CCDC178: variants seen among roughly 807,000 people sequenced by gnomAD.
The protein encoded by CCDC178 is coiled-coil domain-containing protein 178.
Under a neutral mutation model 117.4 loss-of-function variants are expected in CCDC178, and 126 were observed. The ratio of observed to expected loss-of-function variants is 1.07; its 90% CI spans 0.93 to 1.24. The LOEUF (loss-of-function observed/expected upper bound fraction) is 1.24, where lower values mean the gene tolerates loss of function less well. CCDC178 is among the 50% of genes most tolerant of loss of function. The pLI is 0.00. For synonymous variants in CCDC178, 283 were observed against 313.4 expected, an observed-to-expected ratio of 0.90 and a Z score of 1.02; for missense variants, 1,030 against 986.9, an observed-to-expected ratio of 1.04 and a Z score of -0.59.
chr18:33,376,934 T>C (rs1373506258), intron 5 of CCDC178, among the ~76,000 whole-genome samples: 3 of 152,218 alleles, frequency 2.0e-5, no homozygotes, highest in Non-Finnish European at 4.4e-5. Flanking sequence ...GTCTTTTTGG[T>C]AGAATGATTT....
At chr18:33,355,906 G>A (rs149169182) in intron 7 of CCDC178, among the ~76,000 whole-genome samples, 1 of 152,276 alleles carries the variant, frequency 6.6e-6, no homozygotes, top group African/African-American at 2.4e-5. Flanking sequence ...CACCATAGGT[G>A]TACACTGCTC....
At chr18:32,970,596 C>A (rs1463716399) in intron 22 of CCDC178, among the ~76,000 whole-genome samples, 4 of 152,004 alleles carry the variant, frequency 2.6e-5, no homozygotes. Flanking sequence ...ATGTTGTATA[C>A]ATTGATACCT....
chr18:33,187,846 G>C (rs910938694), intron 20 of CCDC178, among the ~76,000 whole-genome samples: 1 of 152,060 alleles, frequency 6.6e-6, no homozygotes, highest in Non-Finnish European at 1.5e-5. Flanking sequence ...AACTTCCTTG[G>C]TATGTGAAAG....
At chr18:33,312,642 T>G (rs2062358832) in intron 11 of CCDC178, among the ~76,000 whole-genome samples, 1 of 152,192 alleles carries the variant, frequency 6.6e-6, no homozygotes, top group Non-Finnish European at 1.5e-5. Flanking sequence ...GCCTTTGATC[T>G]GTTGCAGCTG....
intron 6 of CCDC178, among the ~76,000 whole-genome samples, chr18:33,364,301 T>A (rs55883960): frequency 0.059 from 8,936 of 152,042 alleles, 838 homozygotes; most frequent in African/African-American, 0.2. Flanking sequence ...GAAAAAAAGA[T>A]AAATGGTTAC....
chr18:32,938,015 C>T lies in CCDC178; in HGVS notation c.2600G>A (p.Gly867Asp). The T allele has an allele frequency of 6.2e-7, 1 of 1,611,344 alleles. No homozygotes were observed. The highest frequency in any genetic ancestry group is 8.5e-7 in the Non-Finnish European group (1 of 1,177,596). ...CAAGATACATTGGTTGTTTGCTTAA[C>T]CATCGTTTTCGCATGTGCCATCTGT... is the stretch of plus-strand genomic sequence containing the variant. ...TLTDGTCEND[G>D] Residue 867 changes from glycine (G) to aspartate (D), a missense_variant, in exon 23 of 23, where the codon GGT becomes GAT. Physicochemically the swap from Gly to Asp is moderately conservative, Grantham distance 94. Coordinates refer to ENST00000383096, the MANE Select transcript of CCDC178 (RefSeq NM_001105528.4).
At chr18:33,372,810 A>G (rs1201538557) in intron 5 of CCDC178, among the ~76,000 whole-genome samples, 1 of 152,134 alleles carries the variant, frequency 6.6e-6, no homozygotes, top group African/African-American at 2.4e-5. Flanking sequence ...TAATTTATTC[A>G]CCCAGCTCCA....
chr18:33,025,882 C>T (rs566363550), intron 21 of CCDC178, among the ~76,000 whole-genome samples: 1 of 152,162 alleles, frequency 6.6e-6, no homozygotes, highest in Admixed American at 6.5e-5. Context: ...GCATTCGTCC[C>T]AGAGAAGTGA....
At chr18:33,152,247 A>T (rs1156966265) in intron 20 of CCDC178, among the ~76,000 whole-genome samples, 1 of 152,174 alleles carries the variant, frequency 6.6e-6, no homozygotes, top group Non-Finnish European at 1.5e-5. Flanking sequence ...GCAAATGCTC[A>T]CTATTCTATA....
rs767253614 is a variant in CCDC178, at chr18:33,245,374, C to T, written c.1464G>A (p.Lys488=). Residue 488 remains lysine (K), a synonymous_variant, in exon 15 of 23, where the codon AAG becomes AAA. Coordinates refer to ENST00000383096, the MANE Select transcript of CCDC178 (RefSeq NM_001105528.4). ...ESEIKYLTIM[K]LKNDKHLKNI... ...TCTTGAGATGTTTATCATTCTTTAA[C>T]TTCATTATTGTCAAATATTTTATTT... The T allele has an allele frequency of 1.3e-6, 2 of 1,595,466 alleles. No homozygotes were observed.
chr18:33,099,778 C>T (rs1315354513), intron 20 of CCDC178, among the ~76,000 whole-genome samples: 1 of 151,956 alleles, frequency 6.6e-6, no homozygotes, highest in Non-Finnish European at 1.5e-5. Flanking sequence ...TGTCGATACC[C>T]TGAAGCCTCA....
At chr18:33,254,941 G>T in intron 14 of CCDC178, among the ~76,000 whole-genome samples, 1 of 152,008 alleles carries the variant, frequency 6.6e-6, no homozygotes, top group Non-Finnish European at 1.5e-5. Flanking sequence ...TTACAGGGTG[G>T]GGTCTAGCAG....
chr18:33,323,791 C>T (rs1191441176), intron 10 of CCDC178, among the ~76,000 whole-genome samples, 158 bp from the exon 11 acceptor site: 1 of 151,806 alleles, frequency 6.6e-6, no homozygotes, highest in African/African-American at 2.4e-5. Flanking sequence ...TCAGCCCTGA[C>T]AGGCATTAAT....
chr18:33,023,861 A>G (rs955331587), intron 21 of CCDC178, among the ~76,000 whole-genome samples: 1 of 152,228 alleles, frequency 6.6e-6, no homozygotes, highest in East Asian at 1.9e-4. Flanking sequence ...CTGTCAAAGA[A>G]TAAAGAAGGG....
At chr18:33,157,039 T>C (rs1339460112) in intron 20 of CCDC178, among the ~76,000 whole-genome samples, 13 of 152,212 alleles carry the variant, frequency 8.5e-5, no homozygotes, top group Admixed American at 5.2e-4. Flanking sequence ...TTAAGTGGGT[T>C]CAATAAATCA....
At chr18:33,132,282 G>T (rs1429621951) in intron 20 of CCDC178, among the ~76,000 whole-genome samples, 3 of 151,720 alleles carry the variant, frequency 2.0e-5, no homozygotes, top group African/African-American at 7.2e-5. Flanking sequence ...TCTTTGAAAT[G>T]TTTGAGTTAC....
At chr18:33,251,516 C>T (rs2144713510) in intron 14 of CCDC178, among the ~76,000 whole-genome samples, 1 of 151,860 alleles carries the variant, frequency 6.6e-6, no homozygotes, top group East Asian at 1.9e-4. Flanking sequence ...TATTGTGCTG[C>T]TAATGAAGCT....
At chr18:33,074,804 G>A (rs1361849506) in intron 21 of CCDC178, among the ~76,000 whole-genome samples, 1 of 152,104 alleles carries the variant, frequency 6.6e-6, no homozygotes, top group Non-Finnish European at 1.5e-5. Context: ...AGAAGAGAAT[G>A]GAAAGTGATG....
chr18:33,292,732 T>A (rs1347846164), intron 12 of CCDC178, among the ~76,000 whole-genome samples: 1 of 152,016 alleles, frequency 6.6e-6, no homozygotes, highest in African/African-American at 2.4e-5. Context: ...CCGAAGAAGT[T>A]TTTGTCTGAA....
Sources: allele counts gnomAD v4.1 joint callset (sites outside exome capture counted in the v4.1 genomes callset), GRCh38; gene constraint gnomAD v4.1.1; transcripts MANE v1.5; gene names NCBI Gene and HGNC (gene_info 2026-07-23, HGNC 2026-07-21).